The following HIPK3 variants were observed in gnomAD, a reference collection of about 807,000 sequenced individuals.
HIPK3 encodes homeodomain interacting protein kinase 3.
In HIPK3, 47 loss-of-function variants were observed where a neutral mutation model predicts 124.2. The observed-to-expected ratio is 0.38, with a 90% CI of 0.30 to 0.48. The LOEUF (loss-of-function observed/expected upper bound fraction) is 0.48. Among genes scored for constraint, HIPK3 ranks in the 20% least tolerant of loss-of-function variants. The pLI is 0.98. For synonymous variants in HIPK3, 482 were observed against 515.2 expected (o/e 0.94, Z 0.87); for missense variants, 1,286 against 1,454.3 (o/e 0.88, Z 1.88).
chr11:33,271,114 A>C (rs1306520419), intron 1 of HIPK3, among the ~76,000 whole-genome samples: 1 of 152,166 alleles, frequency 6.6e-6, no homozygotes, highest in African/African-American at 2.4e-5. Flanking sequence ...CTTAGTGGTA[A>C]TTTTTATTCA....
At chr11:33,335,913 T>C (rs1464695332) in intron 3 of HIPK3, 2 of 152,126 alleles carry the variant, frequency 1.3e-5, no homozygotes, top group Non-Finnish European at 2.9e-5. Context: ...TCCCACTCAT[T>C]AAGTGGGGGA....
intron 1 of HIPK3, among the ~76,000 whole-genome samples, chr11:33,280,133 C>T (rs1277416663): frequency 2.0e-5 from 3 of 152,152 alleles, no homozygotes; most frequent in Non-Finnish European, 4.4e-5. Context: ...GGAGTCTTCA[C>T]TATCCTCTGA....
rs747599085 is a variant in HIPK3, at chr11:33,352,243, A to G, written c.3149A>G (p.Gln1050Arg). Reference sequence around the variant, plus strand: ...CAAAAATTGACATCAGCATTCCAGCAGCAGCATTTGAACTTCAGTCAGGTA... The same window carrying G: ...CAAAAATTGACATCAGCATTCCAGCGGCAGCATTTGAACTTCAGTCAGGTA... The part of the protein sequence containing the change: ...RQQKLTSAFQ[Q>R]QHLNFSQVQH... Residue 1050 changes from glutamine to arginine, a missense_variant, in exon 16 of 17, where the codon CAG (glutamine) becomes CGG (arginine). Gln to Arg is a conservative substitution (Grantham distance 43, BLOSUM62 1). Transcript: ENST00000303296. 6.2e-7 allele frequency: 1 copy of G among 1,614,086 alleles called. No homozygotes were observed. Among genetic ancestry groups the G allele is most frequent in the South Asian group, 1.1e-5 (1 of 91,086 alleles).
chr11:33,334,939 G>A (rs1018381380), intron 3 of HIPK3, among the ~76,000 whole-genome samples: 2 of 152,160 alleles, frequency 1.3e-5, no homozygotes, highest in African/African-American at 4.8e-5. Flanking sequence ...ACTCAGAATT[G>A]AAGAGGATCT....
chr11:33,319,588 C>A (rs1852605018), intron 2 of HIPK3, among the ~76,000 whole-genome samples: 1 of 152,000 alleles, frequency 6.6e-6, no homozygotes, highest in Non-Finnish European at 1.5e-5. Context: ...ACAGTTGTCC[C>A]CAATGCAAAA....
rs956341607 is a variant in HIPK3 at position 33,353,777 on chromosome 11, A to G, written c.*209A>G. On this transcript the variant is annotated 3_prime_UTR_variant, in exon 17 of 17. Coordinates refer to ENST00000303296, the MANE Select transcript of HIPK3 (RefSeq NM_005734.5). Reference sequence around the variant, plus strand: ...CTTTGGTCATGTTATCTTCTTATGTAGTAACTCTAGACAGGTGACTTATGG... The same window carrying G: ...CTTTGGTCATGTTATCTTCTTATGTGGTAACTCTAGACAGGTGACTTATGG... 1.2e-5 allele frequency: 6 copies of G among 514,854 alleles called. No individual in the cohort carries two copies. The highest frequency in any genetic ancestry group is 1.2e-4 in the African/African-American group (6 of 52,016). 31.9% of individuals were successfully genotyped at this position (514,854 alleles called of 1,614,324 possible). A position where few individuals can be genotyped will look rare whatever the true frequency, so the allele number is the denominator to read the frequency against.
intron 2 of HIPK3, among the ~76,000 whole-genome samples, chr11:33,307,851 G>A (rs1212288935): frequency 6.6e-6 from 1 of 151,842 alleles, no homozygotes; most frequent in African/African-American, 2.4e-5. Context: ...TCAATTTTAT[G>A]ACTTGCTTTT....
chr11:33,324,452 C>T (rs1224160471), intron 2 of HIPK3, among the ~76,000 whole-genome samples: 1 of 152,144 alleles, frequency 6.6e-6, no homozygotes, highest in Non-Finnish European at 1.5e-5. Context: ...ACTGCATTTT[C>T]TCTATGATAG....
At chr11:33,266,257 C>G (rs191908306) in intron 1 of HIPK3, among the ~76,000 whole-genome samples, 2 of 151,752 alleles carry the variant, frequency 1.3e-5, no homozygotes, top group Admixed American at 1.3e-4. Flanking sequence ...TAGAAAAACA[C>G]TGCTTAAGAA....
chr11:33,333,686 T>C (rs984587032), intron 3 of HIPK3, among the ~76,000 whole-genome samples: 1 of 152,206 alleles, frequency 6.6e-6, no homozygotes, highest in Non-Finnish European at 1.5e-5. Context: ...TGTTTGTTTG[T>C]TTGTTTTTTG....
upstream of HIPK3, chr11:33,257,272 G>A: frequency 1.1e-5 from 11 of 983,524 alleles, no homozygotes; most frequent in Non-Finnish European, 1.3e-5. Context: ...CCGGAGCGGA[G>A]CGGAGCCGCC....
chr11:33,283,818 G>C lies in HIPK3; in HGVS notation c.-2-2595G>C, dbSNP rs1428313593. ...GCCTCTCCAGTGGCTAGGATTATAGGTGTGCACCACCACACCTGGCTGATT... is the reference window on the plus strand; with the variant it reads ...GCCTCTCCAGTGGCTAGGATTATAGCTGTGCACCACCACACCTGGCTGATT... On this transcript the variant is annotated intron_variant, in intron 1 of 16. Transcript: ENST00000303296. Among the ~76,000 whole-genome samples, 3 of 151,970 alleles carry C rather than the reference G, an allele frequency of 2.0e-5. No individual in the cohort carries two copies. The East Asian group carries it at 5.8e-4, about 29-fold the overall frequency.
chr11:33,320,663 A>G (rs535310775), intron 2 of HIPK3, among the ~76,000 whole-genome samples: 20 of 152,312 alleles, frequency 1.3e-4, no homozygotes, highest in East Asian at 7.7e-4. Flanking sequence ...GATAGAGTCA[A>G]TGGAATTTGC....
intron 1 of HIPK3, among the ~76,000 whole-genome samples, chr11:33,263,159 T>TG (rs1850870441): frequency 6.6e-6 from 1 of 151,264 alleles, no homozygotes; most frequent in Non-Finnish European, 1.5e-5. Context: ...CATGAGCCAC[T>TG]GTGCCCGGCC....
chr11:33,317,274 ATT>A (rs3028961), intron 2 of HIPK3, among the ~76,000 whole-genome samples: 13 of 102,208 alleles, frequency 1.3e-4, no homozygotes, highest in Non-Finnish European at 1.5e-4. Context: ...GCCTGGCCCT[ATT>A]TTTTTTTTTT....
chr11:33,324,999 C>T (rs1451282047), intron 2 of HIPK3, among the ~76,000 whole-genome samples: 1 of 152,182 alleles, frequency 6.6e-6, no homozygotes, highest in African/African-American at 2.4e-5. Context: ...CCAGTTAAAA[C>T]TCTTTTGTAT....
At chr11:33,349,312 G>T (rs886131267) in intron 14 of HIPK3, 25 bp downstream of exon 14, 3 of 1,568,150 alleles carry the variant, frequency 1.9e-6, no homozygotes, top group Non-Finnish European at 2.6e-6. Flanking sequence ...ATAGTAGTGT[G>T]TAATAAATAG....
chr11:33,295,042 C>G (rs1851802141), intron 2 of HIPK3, among the ~76,000 whole-genome samples: 1 of 151,914 alleles, frequency 6.6e-6, no homozygotes, highest in Admixed American at 6.6e-5. Context: ...TCCCCCCCAG[C>G]GATAAACATA....
chr11:33,281,643 T>TA (rs1851415054), intron 1 of HIPK3, among the ~76,000 whole-genome samples: 1 of 152,346 alleles, frequency 6.6e-6, no homozygotes. Flanking sequence ...TATCTATAGA[T>TA]ATTCAGTGCA....
Sources: allele counts gnomAD v4.1 joint callset (sites outside exome capture counted in the v4.1 genomes callset), GRCh38; gene constraint gnomAD v4.1.1; transcripts MANE v1.5; gene names NCBI Gene and HGNC (gene_info 2026-07-23, HGNC 2026-07-21).